Variants in STARD13 observed in about 807,000 individuals in gnomAD.
STARD13 encodes stAR-related lipid transfer protein 13.
A neutral mutation model predicts 106.4 loss-of-function variants in STARD13; 62 were observed. The ratio of observed to expected loss-of-function variants is 0.58; its 90% CI spans 0.48 to 0.72. STARD13 has a LOEUF of 0.72. Among genes scored for constraint, STARD13 ranks in the 30% least tolerant of loss-of-function variants. STARD13 has a pLI of 0.00. For synonymous variants in STARD13, 565 were observed against 553.0 expected (o/e 1.02, Z -0.31); for missense variants, 1,387 against 1,424.0 (o/e 0.97, Z 0.42).
rs1235396449 is a variant in STARD13 at position 33,341,545 on chromosome 13, C to CGTGCCACTG, written c.124+8736_124+8744dup. Among the ~76,000 whole-genome samples, 31 of 149,082 alleles carry CGTGCCACTG rather than the reference C, an allele frequency of 2.1e-4. No homozygotes were observed. The Admixed American group carries it at 2.1e-3, about 10-fold the overall frequency. The stretch of plus-strand genomic sequence containing the variant: ...GGTGGAGGTTGCAGTGAGTCAAGAT[C>CGTGCCACTG]GTGCCACTGCACTCCAGCCTGGGCG... On this transcript the variant is annotated intron_variant, in intron 1 of 5. Transcript: ENST00000567873.
At chr13:33,109,829 C>T in intron 12 of STARD13, 44 bp downstream of exon 12, 4 of 1,596,620 alleles carry the variant, frequency 2.5e-6, no homozygotes, top group Non-Finnish European at 1.7e-6. Context: ...AGTTCGCGTC[C>T]TGCCTTTGGA....
At chr13:33,215,114 G>A (rs573736540) in intron 1 of STARD13, among the ~76,000 whole-genome samples, 1 of 105,658 alleles carries the variant, frequency 9.5e-6, no homozygotes, top group Non-Finnish European at 1.9e-5. Flanking sequence ...AATAGAATGA[G>A]TACTTGGGGG....
the STARD13 span, among the ~76,000 whole-genome samples, chr13:33,556,896 A>G: frequency 1.3e-5 from 2 of 152,118 alleles, no homozygotes; most frequent in Admixed American, 1.3e-4. Flanking sequence ...TGGGACCACA[A>G]GCACACACCA....
chr13:33,476,073 C>T, the STARD13 span, among the ~76,000 whole-genome samples: 3,314 of 152,088 alleles, frequency 0.022, 46 homozygotes, highest in Middle Eastern at 0.045. Context: ...CAGATCTTTT[C>T]CTTTAGGTAA....
At chr13:33,454,730 T>G in the STARD13 span, among the ~76,000 whole-genome samples, 1 of 152,310 alleles carries the variant, frequency 6.6e-6, no homozygotes, top group East Asian at 1.9e-4. Flanking sequence ...GAGAGTGGCA[T>G]GCTTAGATTT....
chr13:33,534,842 C>G, the STARD13 span, among the ~76,000 whole-genome samples: 2 of 152,080 alleles, frequency 1.3e-5, no homozygotes, highest in African/African-American at 4.8e-5. Context: ...AAACACTAAC[C>G]CCAAAGAGGG....
the STARD13 span, among the ~76,000 whole-genome samples, chr13:33,385,345 G>A: frequency 6.9e-6 from 1 of 145,084 alleles, no homozygotes; most frequent in African/African-American, 2.5e-5. Flanking sequence ...AAGGCAAAGT[G>A]CCTATTTGGT....
intron 1 of STARD13, among the ~76,000 whole-genome samples, chr13:33,184,080 C>T (rs1209339100): frequency 2.0e-5 from 3 of 152,198 alleles, no homozygotes; most frequent in African/African-American, 7.2e-5. Flanking sequence ...GCCTTTCTCT[C>T]TACTTTAAAC....
chr13:33,304,882 T>C (rs993779377), intron 1 of STARD13, among the ~76,000 whole-genome samples: 4 of 152,210 alleles, frequency 2.6e-5, no homozygotes, highest in African/African-American at 9.6e-5. Flanking sequence ...TTACTGATCA[T>C]CTACCATGGG....
At chr13:33,618,051 A>G in the STARD13 span, among the ~76,000 whole-genome samples, 1 of 152,370 alleles carries the variant, frequency 6.6e-6, no homozygotes, top group African/African-American at 2.4e-5. Context: ...GGCAGGAGAA[A>G]GCGTCACATA....
At chr13:33,138,883 T>A (rs1279491977) in intron 4 of STARD13, 1 of 474,882 alleles carries the variant, frequency 2.1e-6, no homozygotes, top group East Asian at 6.0e-5. Context: ...AGTTAGAAAC[T>A]GTATTGTGGG....
chr13:33,551,460 G>A, the STARD13 span, among the ~76,000 whole-genome samples: 1 of 150,654 alleles, frequency 6.6e-6, no homozygotes, highest in Non-Finnish European at 1.5e-5. Flanking sequence ...ATTTCATTAT[G>A]AGTAAATAGA....
chr13:33,196,588 C>G (rs947929818), intron 1 of STARD13, among the ~76,000 whole-genome samples: 1 of 152,054 alleles, frequency 6.6e-6, no homozygotes, highest in African/African-American at 2.4e-5. Context: ...TCAGTACTGC[C>G]CTACATCATG....
At chr13:33,163,782 A>G (rs1347372136) in intron 3 of STARD13, among the ~76,000 whole-genome samples, 1 of 146,384 alleles carries the variant, frequency 6.8e-6, no homozygotes, top group Non-Finnish European at 1.5e-5. Flanking sequence ...TTATACCTCA[A>G]CTTAATGAAA....
intron 1 of STARD13, among the ~76,000 whole-genome samples, chr13:33,254,360 G>A (rs141638017): frequency 1.9e-3 from 283 of 152,356 alleles, no homozygotes; most frequent in African/African-American, 6.6e-3. Context: ...CTGTGAGACA[G>A]TGTCACTGTG....
intron 1 of STARD13, among the ~76,000 whole-genome samples, chr13:33,222,691 A>G (rs1345864145): frequency 6.6e-6 from 1 of 152,214 alleles, no homozygotes; most frequent in African/African-American, 2.4e-5. Context: ...TTTTCTTCAC[A>G]GCCCTCTATG....
the STARD13 span, among the ~76,000 whole-genome samples, chr13:33,505,081 C>G: frequency 6.6e-6 from 1 of 152,162 alleles, no homozygotes; most frequent in African/African-American, 2.4e-5. Context: ...GTTTACAACC[C>G]CGTGCTTGTT....
At chr13:33,520,570 C>T in the STARD13 span, among the ~76,000 whole-genome samples, 2 of 152,130 alleles carry the variant, frequency 1.3e-5, no homozygotes, top group South Asian at 4.1e-4. Flanking sequence ...TGCTGGACCA[C>T]TGTGTACATT....
At chr13:33,251,588 C>T (rs1464700320) in intron 1 of STARD13, among the ~76,000 whole-genome samples, 1 of 152,164 alleles carries the variant, frequency 6.6e-6, no homozygotes, top group Non-Finnish European at 1.5e-5. Context: ...ATCATTATGT[C>T]AGTCCCACAT....
Sources: allele counts gnomAD v4.1 joint callset (sites outside exome capture counted in the v4.1 genomes callset), GRCh38; gene constraint gnomAD v4.1.1; transcripts MANE v1.5; gene names NCBI Gene and HGNC (gene_info 2026-07-23, HGNC 2026-07-21).